The following LTA4H variants were observed in gnomAD, a reference collection of about 807,000 sequenced individuals.
The protein encoded by LTA4H is leukotriene A4 hydrolase.
Under a neutral mutation model 89.8 loss-of-function variants are expected in LTA4H, and 59 were observed. The observed-to-expected ratio is 0.66, with a 90% CI of 0.53 to 0.82. The LOEUF (loss-of-function observed/expected upper bound fraction) is 0.82. LTA4H is among the 40% of genes least tolerant of loss of function. LTA4H has a pLI of 0.00. For missense variants in LTA4H, 617 were observed against 727.0 expected, an observed-to-expected ratio of 0.85 and a Z score of 1.74; for synonymous variants, 227 against 253.1, an observed-to-expected ratio of 0.90 and a Z score of 0.98.
intron 1 of LTA4H, among the ~76,000 whole-genome samples, chr12:96,034,804 A>G (rs780622836): frequency 5.3e-5 from 8 of 152,236 alleles, no homozygotes; most frequent in Non-Finnish European, 1.2e-4. Context: ...GTGGATTGAA[A>G]TAAGTGTTCC....
At chr12:96,011,089 A>T (rs1300813556) in intron 14 of LTA4H, 1 of 152,186 alleles carries the variant, frequency 6.6e-6, no homozygotes, top group Non-Finnish European at 1.5e-5. Flanking sequence ...ATCTTAAGGG[A>T]TCTAGAATGA....
chr12:96,035,617 A>G, upstream of LTA4H: 1 of 1,460,768 alleles, frequency 6.8e-7, no homozygotes, highest in Non-Finnish European at 9.1e-7. Context: ...GAGGTAAAGA[A>G]GAGGAGGAGG....
intron 2 of LTA4H, among the ~76,000 whole-genome samples, chr12:96,028,233 G>A (rs1950533827): frequency 6.6e-6 from 1 of 152,166 alleles, no homozygotes; most frequent in Non-Finnish European, 1.5e-5. Flanking sequence ...CAGCAGCCCT[G>A]CTGGTGTTCG....
chr12:96,033,998 G>A (rs1950605707), intron 1 of LTA4H, among the ~76,000 whole-genome samples: 2 of 152,182 alleles, frequency 1.3e-5, no homozygotes, highest in Non-Finnish European at 1.5e-5. Context: ...GTACATAGAG[G>A]AATCGACCTA....
chr12:96,014,753 A>G, intron 12 of LTA4H, 102 bp downstream of exon 12: 1 of 1,089,782 alleles, frequency 9.2e-7, no homozygotes, highest in Admixed American at 2.5e-5. Context: ...TCCAGAATGA[A>G]TTGGAAGTAT....
intron 18 of LTA4H, 113 bp from the exon 19 acceptor site, chr12:96,001,219 G>A: frequency 1.5e-6 from 1 of 685,406 alleles, no homozygotes; most frequent in Non-Finnish European, 2.6e-6. Context: ...AAGGAAAAAG[G>A]AAGGAGAAAG....
rs879923931 is a variant in LTA4H at position 96,009,098 on chromosome 12, ATC to A, written c.1428_1429del (p.Trp476CysfsTer7). ...AAATCACACATTATTACTTACAGTA[ATC>A]CATCTTTGACTTAAGGCAATACAAG... On this transcript the variant is annotated frameshift_variant, in exon 15 of 19. Coordinates refer to ENST00000228740, the MANE Select transcript of LTA4H (RefSeq NM_000895.3). LOFTEE classifies it high-confidence loss of function. The A allele has an allele frequency of 2.5e-6, 4 of 1,599,222 alleles. No homozygotes were observed. The highest frequency in any genetic ancestry group is 3.4e-6 in the Non-Finnish European group (4 of 1,167,990).
At chr12:96,016,587 T>C (rs796194571) in intron 10 of LTA4H, among the ~76,000 whole-genome samples, 99 of 149,578 alleles carry the variant, frequency 6.6e-4, no homozygotes, top group African/African-American at 2.4e-3. Flanking sequence ...GGCCACAGAG[T>C]GAGACCTTGT....
At chr12:96,036,476 G>A (rs745470582), upstream of LTA4H, among the ~76,000 whole-genome samples, 3 of 152,160 alleles carry the variant, frequency 2.0e-5, no homozygotes, top group Non-Finnish European at 2.9e-5. Flanking sequence ...TTCAGCAGGC[G>A]ACTGATAAAG....
intron 11 of LTA4H, 65 bp downstream of exon 11, chr12:96,015,517 TA>T: frequency 8.4e-7 from 1 of 1,190,340 alleles, no homozygotes; most frequent in Non-Finnish European, 1.2e-6. Flanking sequence ...GACGCTTTTA[TA>T]AAAACTCAGT....
intron 3 of LTA4H, 31 bp from the exon 4 acceptor site, chr12:96,024,578 T>C: frequency 3.6e-6 from 5 of 1,402,726 alleles, no homozygotes; most frequent in Non-Finnish European, 5.1e-6. Context: ...AAGAAATAGC[T>C]ATTTATCTTT....
chr12:96,032,610 C>T (rs1785008451), intron 1 of LTA4H, among the ~76,000 whole-genome samples: 1 of 152,188 alleles, frequency 6.6e-6, no homozygotes, highest in Non-Finnish European at 1.5e-5. Flanking sequence ...TAAGGATAAG[C>T]TCCTGGTCTA....
Position 96,022,413 on chromosome 12 carries a change from CATAT to C in LTA4H, c.481-166_481-163del, listed in dbSNP as rs906400679. Among the ~76,000 whole-genome samples, 2 of 151,928 alleles carry C rather than the reference CATAT, an allele frequency of 1.3e-5. No individual in the cohort carries two copies. The highest frequency in any genetic ancestry group is 2.4e-5 in the African/African-American group (1 of 41,354). The stretch of plus-strand genomic sequence containing the variant: ...TACAAAAAGTATATATATACACACA[CATAT>C]ATATGAACACAACGTGTATAGATGT... On this transcript the variant is annotated intron_variant, in intron 4 of 18. Transcript: ENST00000228740. This position sits in a 1 kb window ranked among gnomAD's most constrained non-coding sequence, Gnocchi z 4.0.
chr12:96,035,827 G>A (rs938860622), upstream of LTA4H, among the ~76,000 whole-genome samples: 2 of 152,142 alleles, frequency 1.3e-5, no homozygotes, highest in Admixed American at 1.3e-4. Context: ...GCAGTTAGAA[G>A]GGTGGCCGAA....
At chr12:96,013,307 CA>C (rs763022744) in intron 13 of LTA4H, 49 bp from the exon 14 acceptor site, 471 of 1,298,812 alleles carry the variant, frequency 3.6e-4, no homozygotes, top group East Asian at 6.1e-4. Context: ...CCTTTCCTGT[CA>C]AAAAAAAATT....
intron 2 of LTA4H, 31 bp from the exon 3 acceptor site, chr12:96,027,595 G>A: frequency 1.4e-6 from 2 of 1,412,366 alleles, no homozygotes; most frequent in Non-Finnish European, 2.0e-6. Flanking sequence ...TATTAGTAGA[G>A]TATGATTCCA....
chr12:96,020,738 C>T, intron 6 of LTA4H: 1 of 176,564 alleles, frequency 5.7e-6, no homozygotes, highest in Non-Finnish European at 1.2e-5. Context: ...TATTTTATCT[C>T]ATTTGTTTCA....
Position 96,029,125 on chromosome 12 carries a change from A to G in LTA4H, c.220T>C (p.Tyr74His), listed in dbSNP as rs77004192. 1 of 1,594,020 alleles carries G rather than the reference A, an allele frequency of 6.3e-7. No homozygotes were observed. Among genetic ancestry groups the G allele is most frequent in the East Asian group, 2.3e-5 (1 of 44,012 alleles). The change falls in exon 2 of 19, where the codon TAT becomes CAT. Residue 74 changes from tyrosine to histidine, a missense_variant. Tyr to His is a moderately conservative substitution (Grantham distance 83). This residue lies in a region of LTA4H where 155 missense variants were observed against 143.3 expected (regional missense o/e 1.08). Transcript: ENST00000228740. ...TAACTTTGTCTTTCTCCAAGAGCAT[A>G]TTTGACTTCTTGTCCATTGATCACT... ...KVVINGQEVK[Y>H]ALGERQSYKG...
chr12:96,032,599 A>C (rs1292562131), intron 1 of LTA4H, among the ~76,000 whole-genome samples: 1 of 152,238 alleles, frequency 6.6e-6, no homozygotes, highest in Non-Finnish European at 1.5e-5. Context: ...TAACTAATTA[A>C]TAAGGATAAG....
Sources: gnomAD v4.1 joint callset for allele counts (sites outside exome capture counted in the v4.1 genomes callset) on GRCh38, gnomAD v4.1.1 for gene constraint, gnomAD v4.1.1 regional missense constraint, Gnocchi (gnomAD v3.1) non-coding constraint, MANE v1.5 for transcripts, NCBI Gene and HGNC (gene_info 2026-07-23, HGNC 2026-07-21) for gene names.